Variants in ITGAE observed in about 807,000 individuals in gnomAD.
The protein encoded by ITGAE is integrin subunit alpha E.
A neutral mutation model predicts 136.5 loss-of-function variants in ITGAE; 99 were observed. That is an observed-to-expected ratio of 0.73 (90% CI 0.62 to 0.86). The LOEUF is 0.86. Ranked by LOEUF, ITGAE falls within the 40% of genes least tolerant of loss-of-function variation. The pLI is 0.00. For missense variants in ITGAE, 1,447 were observed against 1,515.3 expected (o/e 0.95, Z 0.75); for synonymous variants, 613 against 591.8 (o/e 1.04, Z -0.52).
intron 18 of ITGAE, among the ~76,000 whole-genome samples, chr17:3,744,688 A>T (rs1368519377): frequency 1.3e-5 from 2 of 152,072 alleles, no homozygotes; most frequent in Non-Finnish European, 2.9e-5. Flanking sequence ...ACTTCAGGTG[A>T]TCCTCCCACC....
At chr17:3,719,519 A>T (rs781474234) in intron 29 of ITGAE, among the ~76,000 whole-genome samples, 5 of 152,186 alleles carry the variant, frequency 3.3e-5, no homozygotes, top group Non-Finnish European at 7.3e-5. Context: ...CACACAAAGC[A>T]TTCAGTCCAC....
At chr17:3,749,257 T>C (rs976656569) in intron 16 of ITGAE, among the ~76,000 whole-genome samples, 1 of 151,280 alleles carries the variant, frequency 6.6e-6, no homozygotes, top group Non-Finnish European at 1.5e-5. Flanking sequence ...GCTCTGTTTT[T>C]CTTTTTTTTT....
At chr17:3,736,115 C>T (rs973495850) in intron 20 of ITGAE, among the ~76,000 whole-genome samples, 1 of 152,022 alleles carries the variant, frequency 6.6e-6, no homozygotes, top group African/African-American at 2.4e-5. Context: ...TATACTCCAG[C>T]CTGGGTGACA....
In ITGAE at chr17:3,759,351, C is replaced by T. The variant is rs747711395; in HGVS notation, c.866+51G>A. The T allele has an allele frequency of 6.3e-6, 10 of 1,590,808 alleles. No individual in the cohort carries two copies. In the South Asian group the frequency reaches 1.1e-4, roughly 18 times the overall value. On this transcript the variant is annotated intron_variant, in intron 8 of 30. Coordinates refer to ENST00000263087, the MANE Select transcript of ITGAE (RefSeq NM_002208.5). The stretch of plus-strand genomic sequence containing the variant: ...CAGCCACTTCCTCCATGAGTGATGC[C>T]ACAGAGACTCTGGGCATGGCCAGAA...
intron 12 of ITGAE, chr17:3,754,812 TGGTCTCC>T (rs2051962327): frequency 3.7e-6 from 1 of 271,122 alleles, no homozygotes; most frequent in Admixed American, 5.9e-5. Flanking sequence ...CTCACCCAGG[TGGTCTCC>T]AGGCCCCACC....
intron 27 of ITGAE, 77 bp from the exon 28 acceptor site, chr17:3,723,460 G>T: frequency 8.6e-7 from 1 of 1,157,710 alleles, no homozygotes; most frequent in South Asian, 1.2e-5. Context: ...TTCGGACACA[G>T]AGCATCGTAA....
Position 3,763,965 on chromosome 17 carries a change from G to A in ITGAE, c.156-5C>T. 2.5e-6 allele frequency: 4 copies of A among 1,607,682 alleles called. No homozygotes were observed. Among genetic ancestry groups the A allele is most frequent in the Non-Finnish European group, 3.4e-6 (4 of 1,175,116 alleles). On this transcript the variant is annotated splice_polypyrimidine_tract_variant and splice_region_variant and intron_variant, in intron 2 of 30. Coordinates refer to ENST00000263087, the MANE Select transcript of ITGAE (RefSeq NM_002208.5). ...CTGGGGCTGGTGACCAGGAGCCTGA[G>A]TGGGAGGGGAGGTTGCAAAGCTGAG...
intron 28 of ITGAE, among the ~76,000 whole-genome samples, chr17:3,722,815 A>C (rs1028794385): frequency 4.6e-5 from 7 of 152,224 alleles, no homozygotes; most frequent in Non-Finnish European, 1.0e-4. Flanking sequence ...ATTTTTAATA[A>C]GCAGGGGAAT....
At chr17:3,726,047 T>C (rs146042838) in intron 26 of ITGAE, 4 of 1,614,038 alleles carry the variant, frequency 2.5e-6, no homozygotes, top group Non-Finnish European at 2.5e-6. Flanking sequence ...TCTGTGACGT[T>C]TCCATGGATG....
chr17:3,716,316 C>T (rs1248682132), intron 30 of ITGAE, among the ~76,000 whole-genome samples: 1 of 152,154 alleles, frequency 6.6e-6, no homozygotes, highest in Non-Finnish European at 1.5e-5. Flanking sequence ...ACAACAGTCA[C>T]ATCTGTTTTA....
intron 9 of ITGAE, 61 bp downstream of exon 9, chr17:3,757,645 G>A (rs1170476614): frequency 6.3e-7 from 1 of 1,579,610 alleles, no homozygotes; most frequent in Non-Finnish European, 8.6e-7. Context: ...CGACAACCCT[G>A]GCTTCTCCCC....
At position 3,779,158 on chromosome 17, in the gene ITGAE, A is replaced by G. The variant is rs143438729; in HGVS notation, c.35-1498T>C. On this transcript the variant is annotated intron_variant, in intron 1 of 30. Coordinates refer to ENST00000263087, the MANE Select transcript of ITGAE (RefSeq NM_002208.5). ...CTATATCTTGATAGGTGTTTGAATT[A>G]CCAAGGTGTGCATGTGTCAGAACAC... 5.4e-3 allele frequency among the ~76,000 whole-genome samples: 823 copies of G among 152,238 alleles called. 6 individuals are homozygous for G. Among genetic ancestry groups the G allele is most frequent in the African/African-American group, 0.019 (793 of 41,562 alleles).
At chr17:3,785,476 AAAGGAAGG>A (rs145308879) in intron 1 of ITGAE, among the ~76,000 whole-genome samples, 1 of 139,554 alleles carries the variant, frequency 7.2e-6, no homozygotes, top group African/African-American at 2.9e-5. Context: ...AAGAAGAAAG[AAAGGAAGG>A]AAGGAAGGAA....
At chr17:3,748,519 G>A (rs1033167406) in intron 16 of ITGAE, among the ~76,000 whole-genome samples, 24 of 152,240 alleles carry the variant, frequency 1.6e-4, no homozygotes, top group Non-Finnish European at 3.5e-4. Context: ...CCTGGGAGGC[G>A]GAGGTTGCAG....
intron 1 of ITGAE, among the ~76,000 whole-genome samples, chr17:3,788,294 C>T (rs1567559316): frequency 6.9e-6 from 1 of 145,874 alleles, no homozygotes; most frequent in Non-Finnish European, 1.5e-5. Flanking sequence ...TGTTTTCTTT[C>T]TTTTTTGCTT....
In ITGAE at chr17:3,761,410, G is replaced by A. The variant is rs771708749; in HGVS notation, c.426C>T (p.Phe142=). The part of the protein sequence containing the change: ...DLRPQAQANF[F]DLENLLDPDA... ...TGAATGTCCAATCCTTACCAAGGTC[G>A]AAGAAGTTGGCCTGAGCCTGGGGAC... Residue 142 remains phenylalanine, a synonymous_variant, in exon 5 of 31, where the codon TTC becomes TTT. Transcript: ENST00000263087. 21 of 1,611,514 alleles carry A rather than the reference G, an allele frequency of 1.3e-5. No homozygotes were observed. The highest frequency in any genetic ancestry group is 9.3e-5 in the African/African-American group (7 of 74,876).
intron 26 of ITGAE, chr17:3,724,559 A>G: frequency 1.2e-6 from 2 of 1,614,088 alleles, no homozygotes; most frequent in Admixed American, 1.7e-5. Flanking sequence ...TCCACCTCCC[A>G]GAAGTCTCCC....
intron 26 of ITGAE, chr17:3,726,377 G>C (rs1399790287): frequency 1.5e-6 from 2 of 1,365,188 alleles, no homozygotes; most frequent in South Asian, 2.6e-5. Flanking sequence ...GACTGGTCTT[G>C]AAGCCTCTGG....
In ITGAE at chr17:3,797,852, C is replaced by T. The variant is rs138634734; in HGVS notation, c.34+3259G>A. 3.8e-3 allele frequency among the ~76,000 whole-genome samples: 584 copies of T among 152,316 alleles called. 5 individuals are homozygous for T. Among genetic ancestry groups the T allele is most frequent in the African/African-American group, 0.013 (561 of 41,568 alleles). On this transcript the variant is annotated intron_variant, in intron 1 of 30. Coordinates refer to ENST00000263087, the MANE Select transcript of ITGAE (RefSeq NM_002208.5). ...TGGGGCCAAGGCAGCAGCCTCCTCA[C>T]GGGCCTCTCTGCCTCCCCTCTCCCC...
Sources: allele counts gnomAD v4.1 joint callset (sites outside exome capture counted in the v4.1 genomes callset), GRCh38; gene constraint gnomAD v4.1.1; transcripts MANE v1.5; gene names NCBI Gene and HGNC (gene_info 2026-07-23, HGNC 2026-07-21).